MYO1G: variants seen among roughly 807,000 people sequenced by gnomAD.
MYO1G encodes the protein myosin IG.
Under a neutral mutation model 115.3 loss-of-function variants are expected in MYO1G, and 65 were observed. The ratio of observed to expected loss-of-function variants is 0.56; its 90% CI spans 0.46 to 0.69. MYO1G has a LOEUF of 0.69. Ranked by LOEUF, MYO1G falls within the 30% of genes least tolerant of loss-of-function variation. MYO1G has a pLI of 0.00. For synonymous variants in MYO1G, 510 were observed against 552.6 expected (o/e 0.92, Z 1.08); for missense variants, 1,204 against 1,393.5 (o/e 0.86, Z 2.16).
In MYO1G at chr7:44,967,596, G is replaced by A. The variant is rs1794869725; in HGVS notation, c.1782+9C>T. The stretch of plus-strand genomic sequence containing the variant: ...GGAACAGCCAGAGTGGGAGAGGGGT[G>A]GAACATACCTTGGAGGCAAGGTTCT... On this transcript the variant is annotated intron_variant, in intron 14 of 21. Transcript: ENST00000258787. 2 of 1,613,656 alleles carry A rather than the reference G, an allele frequency of 1.2e-6. No individual in the cohort carries two copies. Among genetic ancestry groups the A allele is most frequent in the African/African-American group, 1.3e-5 (1 of 74,946 alleles).
rs1461762309 is a variant in MYO1G, at chr7:44,966,354, A to G, written c.1950-74T>C. On this transcript the variant is annotated intron_variant, in intron 15 of 21. Coordinates refer to ENST00000258787, the MANE Select transcript of MYO1G (RefSeq NM_033054.3). The surrounding 1 kb of genome is among the most constrained non-coding windows in gnomAD (Gnocchi z 5.0). The stretch of plus-strand genomic sequence containing the variant: ...ATGGAGCCCACCCTGCCCACCCCAC[A>G]CCTGGGGAGATGGCAGGGATACAGA... 19 of 1,310,498 alleles carry G rather than the reference A, an allele frequency of 1.4e-5. No homozygotes were observed. The highest frequency in any genetic ancestry group is 1.9e-5 in the Non-Finnish European group (18 of 939,996). 81.2% of individuals were successfully genotyped at this position (1,310,498 alleles called of 1,614,324 possible).
chr7:44,975,345 C>T (rs1405037920), intron 4 of MYO1G, 118 bp from the exon 5 acceptor site: 1 of 1,492,874 alleles, frequency 6.7e-7, no homozygotes, highest in Non-Finnish European at 9.3e-7. Context: ...ACTATGAGGA[C>T]ACTGAGGCCC....
At position 44,967,723 on chromosome 7, in the gene MYO1G, A is replaced by G. The variant is rs891772891; in HGVS notation, c.1664T>C (p.Leu555Pro). ...CTGCCCGTCCGGCCACATGGCCCGT[A>G]GAGTGGGGTCCGTGCTGCAGACACA... is the stretch of plus-strand genomic sequence containing the variant. ...RLLYNSTDPT[L>P]RAMWPDGQQD... The change falls in exon 14 of 22, where the codon CTA becomes CCA. Residue 555 changes from leucine to proline, a missense_variant. Coordinates refer to ENST00000258787, the MANE Select transcript of MYO1G (RefSeq NM_033054.3). The G allele has an allele frequency of 6.2e-7, 1 of 1,613,572 alleles. No homozygotes were observed. Among genetic ancestry groups the G allele is most frequent in the Non-Finnish European group, 8.5e-7 (1 of 1,180,012 alleles).
chr7:44,970,904 T>A lies in MYO1G; in HGVS notation c.1002A>T (p.Gly334=). 6.2e-7 allele frequency: 1 copy of A among 1,613,402 alleles called. No individual in the cohort carries two copies. The highest frequency in any genetic ancestry group is 8.5e-7 in the Non-Finnish European group (1 of 1,180,002). Reference sequence around the variant, plus strand: ...GGCCCTTCTCTATGAGTTCCCTGCCTCCCGAGGCAACTGTGCGAGCCAGCA... The same window carrying A: ...GGCCCTTCTCTATGAGTTCCCTGCCACCCGAGGCAACTGTGCGAGCCAGCA... The part of the protein sequence containing the change: ...RSLLARTVAS[G]GRELIEKGHT... Residue 334 remains glycine, a synonymous_variant, in exon 8 of 22, where the codon GGA becomes GGT. Coordinates refer to ENST00000258787, the MANE Select transcript of MYO1G (RefSeq NM_033054.3).
chr7:44,965,678 C>T lies in MYO1G; in HGVS notation c.2340G>A (p.Val780=). The change falls in exon 17 of 22, where the codon GTG becomes GTA. Residue 780 remains valine, a synonymous_variant. Transcript: ENST00000258787. ...GGCAGGTGTCCTGGAAGGGCTGCAGCACAGCAGGGGGCAGCGGCCACACAA... is the reference window on the plus strand; with the variant it reads ...GGCAGGTGTCCTGGAAGGGCTGCAGTACAGCAGGGGGCAGCGGCCACACAA... ...RDLVWPLPPA[V]LQPFQDTCHA... is the part of the protein sequence containing the mutation. 6.2e-7 allele frequency: 1 copy of T among 1,613,598 alleles called. No individual in the cohort carries two copies. The highest frequency in any genetic ancestry group is 8.5e-7 in the Non-Finnish European group (1 of 1,179,996).
At position 44,963,246 on chromosome 7, in the gene MYO1G, G is replaced by T. The variant is rs2128700747; in HGVS notation, c.2746-122C>A. ...ACCGCACCCGGGGAGCGCCGCCCTC[G>T]CCAGGGCCACCAGCCCCCCACCGCC... On this transcript the variant is annotated intron_variant, in intron 20 of 21. Coordinates refer to ENST00000258787, the MANE Select transcript of MYO1G (RefSeq NM_033054.3). This position sits in a 1 kb window ranked among gnomAD's most constrained non-coding sequence, Gnocchi z 4.1. 3 of 1,217,698 alleles carry T rather than the reference G, an allele frequency of 2.5e-6. No individual in the cohort carries two copies. The highest frequency in any genetic ancestry group is 3.2e-6 in the Non-Finnish European group (3 of 927,942). The allele number at this position is 1,217,698 out of a possible 1,614,324, so 75.4% of individuals were successfully genotyped here.
intron 7 of MYO1G, 61 bp downstream of exon 7, chr7:44,971,612 C>T (rs1794958934): frequency 1.6e-6 from 2 of 1,278,504 alleles, no homozygotes; most frequent in Non-Finnish European, 2.2e-6. Flanking sequence ...TCCCTGGGTG[C>T]TTCCCAGCCA....
intron 1 of MYO1G, among the ~76,000 whole-genome samples, chr7:44,977,704 G>A (rs1323976771): frequency 6.6e-6 from 1 of 152,184 alleles, no homozygotes; most frequent in Non-Finnish European, 1.5e-5. Context: ...GGGGGTGGAT[G>A]TCTGCCCTTC....
chr7:44,977,009 T>C lies in MYO1G; in HGVS notation c.158A>G (p.Gln53Arg), dbSNP rs1795066036. Residue 53 changes from glutamine to arginine, a missense_variant, in exon 2 of 22, where the codon CAG becomes CGG. Physicochemically the swap from Gln to Arg is conservative, Grantham distance 43. Transcript: ENST00000258787. Reference sequence around the variant, plus strand: ...CTCAGGCCCATACAGGGGCAGCTCCTGGTAGGGGTTCACGGACACCAGCAC... The same window carrying C: ...CTCAGGCCCATACAGGGGCAGCTCCCGGTAGGGGTTCACGGACACCAGCAC... Reference protein sequence around the residue: ...GEVLVSVNPYQELPLYGPEAI... With the variant: ...GEVLVSVNPYRELPLYGPEAI... 8 of 1,613,622 alleles carry C rather than the reference T, an allele frequency of 5.0e-6. No individual in the cohort carries two copies. Among genetic ancestry groups the C allele is most frequent in the Middle Eastern group, 1.6e-4 (1 of 6,062 alleles).
chr7:44,967,730 G>A lies in MYO1G; in HGVS notation c.1657C>T (p.Pro553Ser). The change falls in exon 14 of 22, where the codon CCC (proline) becomes TCC (serine). Residue 553 changes from proline (P) to serine (S), a missense_variant. Physicochemically the swap from Pro to Ser is moderately conservative, Grantham distance 74. Coordinates refer to ENST00000258787, the MANE Select transcript of MYO1G (RefSeq NM_033054.3). ...TCCGGCCACATGGCCCGTAGAGTGG[G>A]GTCCGTGCTGCAGACACAGGCCGAA... The part of the protein sequence containing the change: ...FKRLLYNSTD[P>S]TLRAMWPDGQ... 6.2e-7 allele frequency: 1 copy of A among 1,613,498 alleles called. No homozygotes were observed. Among genetic ancestry groups the A allele is most frequent in the Non-Finnish European group, 8.5e-7 (1 of 1,180,010 alleles).
Position 44,965,078 on chromosome 7 carries a change from C to T in MYO1G, c.2393G>A (p.Arg798Gln), listed in dbSNP as rs2107737. The T allele has an allele frequency of 4.6e-4, 744 of 1,606,244 alleles. No homozygotes were observed. The African/African-American group carries it at 6.5e-3, about 14-fold the overall frequency. ...CHALFCRWRARQLVKNIPPSD... is the reference protein window; with the variant it reads ...CHALFCRWRAQQLVKNIPPSD... Reference sequence around the variant, plus strand: ...AGGGGGGATGTTCTTCACCAGCTGCCGGGCCCGCCACCTGGGAGAGGGCAT... The same window carrying T: ...AGGGGGGATGTTCTTCACCAGCTGCTGGGCCCGCCACCTGGGAGAGGGCAT... The change falls in exon 18 of 22, where the codon CGG (arginine) becomes CAG (glutamine). Residue 798 changes from arginine (R) to glutamine (Q), a missense_variant. Physicochemically the swap from Arg to Gln is conservative, Grantham distance 43. Transcript: ENST00000258787.
chr7:44,963,041 C>A lies in MYO1G; in HGVS notation c.2829G>T (p.Leu943=). ...ARGQDDLVVC[L]HRSRPPLDNR... The stretch of plus-strand genomic sequence containing the variant: ...TGTCCAATGGCGGCCGGGAGCGGTG[C>A]AGGCACACCACGAGGTCGTCCTGGC... Residue 943 remains leucine (L), a synonymous_variant, in exon 21 of 22, where the codon CTG becomes CTT. Transcript: ENST00000258787. The surrounding 1 kb of genome is among the most constrained non-coding windows in gnomAD (Gnocchi z 4.1). The A allele has an allele frequency of 6.5e-7, 1 of 1,528,810 alleles. No homozygotes were observed. Among genetic ancestry groups the A allele is most frequent in the Non-Finnish European group, 8.7e-7 (1 of 1,142,906 alleles). 94.7% of individuals were successfully genotyped at this position (1,528,810 alleles called of 1,614,324 possible).
Position 44,970,889 on chromosome 7 carries a change from T to C in MYO1G, c.1017A>G (p.Ile339Met). The change falls in exon 8 of 22, where the codon ATA becomes ATG. Residue 339 changes from isoleucine to methionine, a missense_variant. Physicochemically the swap from Ile to Met is conservative, Grantham distance 10. Transcript: ENST00000258787. ...CCTCAGCTGCAGTGTGGCCCTTCTC[T>C]ATGAGTTCCCTGCCTCCCGAGGCAA... Reference protein sequence around the residue: ...RTVASGGRELIEKGHTAAEAS... With the variant: ...RTVASGGRELMEKGHTAAEAS... 1 of 1,613,540 alleles carries C rather than the reference T, an allele frequency of 6.2e-7. No homozygotes were observed.
At position 44,963,721 on chromosome 7, in the gene MYO1G, T is replaced by C. The variant is rs757435190; in HGVS notation, c.2745+328A>G. On this transcript the variant is annotated intron_variant, in intron 20 of 21. Transcript: ENST00000258787. This position sits in a 1 kb window ranked among gnomAD's most constrained non-coding sequence, Gnocchi z 4.1. Reference sequence around the variant, plus strand: ...GGTATCCCACAGGAGGCCCAGAACATTGTGGTGGGTACTCAGGTCCCAGAA... The same window carrying C: ...GGTATCCCACAGGAGGCCCAGAACACTGTGGTGGGTACTCAGGTCCCAGAA... 3.0e-6 allele frequency: 1 copy of C among 329,310 alleles called. No homozygotes were observed. Among genetic ancestry groups the C allele is most frequent in the South Asian group, 4.4e-5 (1 of 22,764 alleles). 20.4% of individuals were successfully genotyped at this position (329,310 alleles called of 1,614,324 possible). A position where few individuals can be genotyped will look rare whatever the true frequency, so the allele number is the denominator to read the frequency against.
rs11555636 is a variant in MYO1G, at chr7:44,970,124, G to A, written c.1248C>T (p.Asn416=). ...GGATGAATAGCTGCTGCAGCTTCTC[G>A]TTGCAGTAGTTGATGCAGAACTGCT... The part of the protein sequence containing the change: ...SFEQFCINYC[N]EKLQQLFIQL... The change falls in exon 10 of 22, where the codon AAC becomes AAT. Residue 416 remains asparagine, a synonymous_variant. Coordinates refer to ENST00000258787, the MANE Select transcript of MYO1G (RefSeq NM_033054.3). 929,666 of 1,612,538 alleles carry A rather than the reference G, an allele frequency of 0.58. 270,713 individuals are homozygous for A. Among genetic ancestry groups the A allele is most frequent in the East Asian group, 0.8 (35,896 of 44,844 alleles).
In MYO1G at chr7:44,966,091, A is replaced by C; in HGVS notation, c.2139T>G (p.Ile713Met). Residue 713 changes from isoleucine to methionine, a missense_variant, in exon 16 of 22, where the codon ATT (isoleucine) becomes ATG (methionine). Coordinates refer to ENST00000258787, the MANE Select transcript of MYO1G (RefSeq NM_033054.3). This position sits in a 1 kb window ranked among gnomAD's most constrained non-coding sequence, Gnocchi z 5.0. ...EQSRARLIPI[I>M]VLLLQKAWRG... The stretch of plus-strand genomic sequence containing the variant: ...ACCTCACCTTCTGCAATAGCAGCAC[A>C]ATGATGGGGATGAGGCGGGCTCGGC... 2 of 1,612,790 alleles carry C rather than the reference A, an allele frequency of 1.2e-6. No homozygotes were observed. Among genetic ancestry groups the C allele is most frequent in the Non-Finnish European group, 1.7e-6 (2 of 1,179,948 alleles).
In MYO1G at chr7:44,969,533, T is replaced by C. The variant is rs1401765340; in HGVS notation, c.1504-50A>G. 3.1e-6 allele frequency: 5 copies of C among 1,600,200 alleles called. No homozygotes were observed. In the Admixed American group the frequency reaches 6.7e-5, roughly 21 times the overall value. On this transcript the variant is annotated intron_variant, in intron 11 of 21. Coordinates refer to ENST00000258787, the MANE Select transcript of MYO1G (RefSeq NM_033054.3). This position sits in a 1 kb window ranked among gnomAD's most constrained non-coding sequence, Gnocchi z 5.0. ...GCACAAAAGGTATGTGGAGGGTCTG[T>C]ATGAAGGGATAGCCCTGCCTCCCCA...
In MYO1G at chr7:44,975,640, G is replaced by A. The variant is rs770502429; in HGVS notation, c.408C>T (p.Asp136=). The A allele has an allele frequency of 6.8e-6, 11 of 1,608,472 alleles. No individual in the cohort carries two copies. Among genetic ancestry groups the A allele is most frequent in the East Asian group, 4.5e-5 (2 of 44,786 alleles). ...SQRAEVERVK[D]VLLKSTCVLE... is the part of the protein sequence containing the mutation. Reference sequence around the variant, plus strand: ...GCACACAGGTGGACTTGAGCAGCACGTCCTTGACCCTGTCAGGGCAGAGGG... The same window carrying A: ...GCACACAGGTGGACTTGAGCAGCACATCCTTGACCCTGTCAGGGCAGAGGG... The change falls in exon 4 of 22, where the codon GAC becomes GAT. Residue 136 remains aspartate, a synonymous_variant. Coordinates refer to ENST00000258787, the MANE Select transcript of MYO1G (RefSeq NM_033054.3).
intron 9 of MYO1G, 72 bp downstream of exon 9, chr7:44,970,520 C>T (rs1386218538): frequency 9.5e-6 from 15 of 1,585,688 alleles, no homozygotes; most frequent in Middle Eastern, 1.7e-4. Context: ...CAGCCCCAGC[C>T]GAGCTTTCCA....
Sources: gnomAD v4.1 joint callset for allele counts (sites outside exome capture counted in the v4.1 genomes callset) on GRCh38, gnomAD v4.1.1 for gene constraint, Gnocchi (gnomAD v3.1) non-coding constraint, MANE v1.5 for transcripts, NCBI Gene and HGNC (gene_info 2026-07-23, HGNC 2026-07-21) for gene names.